ZC2HC1B: variants seen among roughly 807,000 people sequenced by gnomAD.
ZC2HC1B encodes zinc finger C2HC-type containing 1B.
In ZC2HC1B, 36 loss-of-function variants were observed where a neutral mutation model predicts 31.0. The observed-to-expected ratio is 1.16, with a 90% CI of 0.89 to 1.54. ZC2HC1B has a LOEUF of 1.54. Among genes scored for constraint, ZC2HC1B ranks in the 40% most tolerant of loss-of-function variants. The pLI, the probability that ZC2HC1B is intolerant of heterozygous loss-of-function variation, is 0.00. For missense variants in ZC2HC1B, 260 were observed against 268.6 expected (o/e 0.97, Z 0.22); for synonymous variants, 73 against 88.0 (o/e 0.83, Z 0.95).
intron 6 of ZC2HC1B, among the ~76,000 whole-genome samples, chr6:143,904,952 G>A (rs1369521879): frequency 6.6e-6 from 1 of 152,148 alleles, no homozygotes; most frequent in African/African-American, 2.4e-5. Flanking sequence ...CTTTATGCCA[G>A]TATTATATTT....
Position 143,870,894 on chromosome 6 carries a change from C to G in ZC2HC1B, c.28+6327C>G, listed in dbSNP as rs1189676020. On this transcript the variant is annotated intron_variant, in intron 1 of 7. Transcript: ENST00000237275. This position sits in a 1 kb window ranked among gnomAD's most constrained non-coding sequence, Gnocchi z 4.7. ...GAGCAGCTTGCACAGCAGCCTGGACCTGTTGTAGAGCCTTCTCCTGTTCTG... is the reference window on the plus strand; with the variant it reads ...GAGCAGCTTGCACAGCAGCCTGGACGTGTTGTAGAGCCTTCTCCTGTTCTG... 1.3e-5 allele frequency among the ~76,000 whole-genome samples: 2 copies of G among 152,170 alleles called. No homozygotes were observed. Among genetic ancestry groups the G allele is most frequent in the African/African-American group, 4.8e-5 (2 of 41,432 alleles).
At position 143,886,084 on chromosome 6, in the gene ZC2HC1B, T is replaced by C; in HGVS notation, c.143T>C (p.Phe48Ser). ...CTCTTCAACAGAAAGCGTAAACCTT[T>C]CAGTTCTTTGAAGCAAAGATTACAG... ...KKLFNRKRKP[F>S]SSLKQRLQGT... Residue 48 changes from phenylalanine to serine, a missense_variant, in exon 3 of 8, where the codon TTC (phenylalanine) becomes TCC (serine). Transcript: ENST00000237275. This position sits in a 1 kb window ranked among gnomAD's most constrained non-coding sequence, Gnocchi z 4.2. 6.5e-7 allele frequency: 1 copy of C among 1,549,232 alleles called. No individual in the cohort carries two copies. Among genetic ancestry groups the C allele is most frequent in the Non-Finnish European group, 8.7e-7 (1 of 1,146,236 alleles).
At position 143,926,868 on chromosome 6, in the gene ZC2HC1B, G is replaced by A. The variant is rs1210486329; in HGVS notation, c.599-10781G>A. On this transcript the variant is annotated intron_variant, in intron 6 of 7. Transcript: ENST00000237275. ...TTTTTTTTTTTTGAGACGGAGTCTC[G>A]CTCTGTCGCCCAGGCCGCTGCAAGC... 3.4e-5 allele frequency among the ~76,000 whole-genome samples: 4 copies of A among 118,610 alleles called. No homozygotes were observed. The Admixed American group carries it at 3.6e-4, about 11-fold the overall frequency. 77.8% of individuals were successfully genotyped at this position (118,610 alleles called of 152,430 possible).
chr6:143,930,438 G>A (rs1043215920), intron 6 of ZC2HC1B, among the ~76,000 whole-genome samples: 1 of 144,138 alleles, frequency 6.9e-6, no homozygotes, highest in Non-Finnish European at 1.5e-5. Flanking sequence ...CCAGGCTGGA[G>A]TGCATTGGTG....
intron 6 of ZC2HC1B, among the ~76,000 whole-genome samples, chr6:143,927,719 T>G (rs1256454776): frequency 1.3e-5 from 2 of 152,236 alleles, no homozygotes; most frequent in Non-Finnish European, 2.9e-5. Context: ...ATCTCTATAC[T>G]GTTTTCCATA....
intron 4 of ZC2HC1B, among the ~76,000 whole-genome samples, chr6:143,896,151 CTCT>C (rs1240375290): frequency 3.3e-5 from 5 of 152,220 alleles, no homozygotes; most frequent in African/African-American, 9.7e-5. Context: ...GCCCTAGTGC[CTCT>C]TCTTCTACAG....
In ZC2HC1B at chr6:143,899,267, C is replaced by T. The variant is rs7764938; in HGVS notation, c.489+576C>T. Among the ~76,000 whole-genome samples, 31,068 of 151,840 alleles carry T rather than the reference C, an allele frequency of 0.2. 3,373 individuals carry two copies. The highest frequency in any genetic ancestry group is 0.29 in the Admixed American group (4,429 of 15,150). On this transcript the variant is annotated intron_variant, in intron 5 of 7. Coordinates refer to ENST00000237275, the MANE Select transcript of ZC2HC1B (RefSeq NM_001013623.3). This position sits in a 1 kb window ranked among gnomAD's most constrained non-coding sequence, Gnocchi z 5.0. The stretch of plus-strand genomic sequence containing the variant: ...ACTGGAGCCAGCAAACAGCACCATA[C>T]AGTCGAAGGTCTCAGGTACATACTT...
At chr6:143,900,082 A>G (rs1322379061) in intron 5 of ZC2HC1B, among the ~76,000 whole-genome samples, 1 of 152,202 alleles carries the variant, frequency 6.6e-6, no homozygotes, top group Non-Finnish European at 1.5e-5. Context: ...GCGAAAGCAT[A>G]GAGTACCTAC....
In ZC2HC1B at chr6:143,933,858, C is replaced by A. The variant is rs12665265; in HGVS notation, c.599-3791C>A. 6.6e-6 allele frequency among the ~76,000 whole-genome samples: 1 copy of A among 152,088 alleles called. No individual in the cohort carries two copies. Among genetic ancestry groups the A allele is most frequent in the Non-Finnish European group, 1.5e-5 (1 of 68,034 alleles). ...TTCTGCAACAGTTCCTGTTTGCCCC[C>A]AGATTCTTCTCAAGAGGGTTTGCAC... On this transcript the variant is annotated intron_variant, in intron 6 of 7. Transcript: ENST00000237275. The surrounding 1 kb of genome is among the most constrained non-coding windows in gnomAD (Gnocchi z 6.4).
At chr6:143,912,708 C>G (rs555196626) in intron 6 of ZC2HC1B, among the ~76,000 whole-genome samples, 94 of 152,326 alleles carry the variant, frequency 6.2e-4, no homozygotes, top group African/African-American at 2.2e-3. Context: ...GTTGGGGGGT[C>G]TTACCCAGTC....
chr6:143,868,320 C>T lies in ZC2HC1B; in HGVS notation c.28+3753C>T, dbSNP rs2128492854. Among the ~76,000 whole-genome samples the T allele has an allele frequency of 6.6e-6, 1 of 152,306 alleles. No individual in the cohort carries two copies. The highest frequency in any genetic ancestry group is 2.4e-5 in the African/African-American group (1 of 41,560). On this transcript the variant is annotated intron_variant, in intron 1 of 7. Transcript: ENST00000237275. The surrounding 1 kb of genome is among the most constrained non-coding windows in gnomAD (Gnocchi z 4.2). ...ATTAACTCACAATCACAAGGTCCCA[C>T]AATAGGCCGTCTGCAAGCTGAGGAG...
At chr6:143,901,912 A>G (rs769102852) in intron 5 of ZC2HC1B, among the ~76,000 whole-genome samples, 3 of 152,184 alleles carry the variant, frequency 2.0e-5, no homozygotes, top group Non-Finnish European at 4.4e-5. Flanking sequence ...GGTGAGTTAC[A>G]TTTCTGCAGA....
chr6:143,912,298 G>T (rs925495006), intron 6 of ZC2HC1B, among the ~76,000 whole-genome samples: 4 of 152,196 alleles, frequency 2.6e-5, no homozygotes, highest in African/African-American at 9.7e-5. Flanking sequence ...CCAGTTCTCA[G>T]CCCTTGCTGG....
intron 6 of ZC2HC1B, among the ~76,000 whole-genome samples, chr6:143,920,096 T>TA (rs1050464135): frequency 1.6e-4 from 25 of 152,164 alleles, no homozygotes; most frequent in East Asian, 5.8e-4. Context: ...TTCAGAAAAA[T>TA]AAAAAAACAA....
intron 6 of ZC2HC1B, among the ~76,000 whole-genome samples, chr6:143,930,977 C>T (rs1051459377): frequency 6.6e-6 from 1 of 152,154 alleles, no homozygotes; most frequent in African/African-American, 2.4e-5. Context: ...GTGCTGAAGT[C>T]CCCACTATTA....
At chr6:143,896,657 T>A (rs4896686) in intron 4 of ZC2HC1B, among the ~76,000 whole-genome samples, 25,075 of 152,118 alleles carry the variant, frequency 0.16, 3,972 homozygotes, top group African/African-American at 0.41. Context: ...TATGTGGATT[T>A]TCATAGTTAA....
chr6:143,884,334 T>C lies in ZC2HC1B; in HGVS notation c.59T>C (p.Val20Ala). The C allele has an allele frequency of 6.5e-7, 1 of 1,534,468 alleles. No individual in the cohort carries two copies. Among genetic ancestry groups the C allele is most frequent in the East Asian group, 2.5e-5 (1 of 40,616 alleles). ...AATCAGGAATTGTTTCCCTGTGAAG[T>C]CTGTGGAAGACGTTTTGCAGCAGAT... ...DGNQELFPCE[V>A]CGRRFAADVL... Residue 20 changes from valine to alanine, a missense_variant, in exon 2 of 8, where the codon GTC (valine) becomes GCC (alanine). Val to Ala is a moderately conservative substitution (Grantham distance 64). Transcript: ENST00000237275. The surrounding 1 kb of genome is among the most constrained non-coding windows in gnomAD (Gnocchi z 5.1).
chr6:143,901,798 G>T (rs530958997), intron 5 of ZC2HC1B, among the ~76,000 whole-genome samples: 5 of 152,126 alleles, frequency 3.3e-5, no homozygotes, highest in Non-Finnish European at 4.4e-5. Context: ...GATACGATTG[G>T]CATGACACTT....
chr6:143,900,867 C>T, intron 5 of ZC2HC1B, among the ~76,000 whole-genome samples: 1 of 152,158 alleles, frequency 6.6e-6, no homozygotes, highest in Non-Finnish European at 1.5e-5. Flanking sequence ...GAGATGGAGT[C>T]TCACTCTGTT....
Sources: allele counts gnomAD v4.1 joint callset (sites outside exome capture counted in the v4.1 genomes callset), GRCh38; gene constraint gnomAD v4.1.1; non-coding constraint Gnocchi (gnomAD v3.1); transcripts MANE v1.5; gene names NCBI Gene and HGNC (gene_info 2026-07-23, HGNC 2026-07-21).